KAZN: variants seen among roughly 807,000 people sequenced by gnomAD.
KAZN encodes kazrin, periplakin interacting protein, also known as kazrin.
A neutral mutation model predicts 87.4 loss-of-function variants in KAZN; 40 were observed. The observed-to-expected ratio is 0.46, with a 90% CI of 0.36 to 0.60. The LOEUF (loss-of-function observed/expected upper bound fraction) is 0.60. Ranked by LOEUF, KAZN falls within the 20% of genes least tolerant of loss-of-function variation. The pLI is 0.00. For missense variants in KAZN, 898 were observed against 1,073.9 expected (o/e 0.84, Z 2.29); for synonymous variants, 466 against 458.3 (o/e 1.02, Z -0.22).
intron 1 of KAZN, among the ~76,000 whole-genome samples, chr1:14,629,709 A>G (rs1191703112): frequency 1.3e-5 from 2 of 152,146 alleles, no homozygotes; most frequent in Non-Finnish European, 2.9e-5. Flanking sequence ...CTTAGATCTG[A>G]GGGATCAGTT....
intron 1 of KAZN, among the ~76,000 whole-genome samples, chr1:14,752,171 T>A (rs914675507): frequency 6.6e-6 from 1 of 152,168 alleles, no homozygotes; most frequent in Admixed American, 6.5e-5. Flanking sequence ...AATCTATTCA[T>A]GAAGAATCTG....
At chr1:14,370,899 G>C (rs1557669683) in intron 2 of KAZN, among the ~76,000 whole-genome samples, 1 of 152,112 alleles carries the variant, frequency 6.6e-6, no homozygotes, top group Non-Finnish European at 1.5e-5. Context: ...TGTCCATGCT[G>C]ATTTCAAACT....
intron 1 of KAZN, among the ~76,000 whole-genome samples, chr1:14,728,721 GC>G (rs1643536162): frequency 6.6e-6 from 1 of 152,108 alleles, no homozygotes; most frequent in Non-Finnish European, 1.5e-5. Context: ...CAGCAGCCTC[GC>G]CTTACACTTA....
At chr1:14,433,206 C>G (rs1557718241) in intron 2 of KAZN, among the ~76,000 whole-genome samples, 1 of 152,188 alleles carries the variant, frequency 6.6e-6, no homozygotes, top group South Asian at 2.1e-4. Context: ...AGATCCAGAG[C>G]TTTTCCCTCT....
intron 2 of KAZN, among the ~76,000 whole-genome samples, chr1:14,237,368 T>C (rs1192371493): frequency 6.6e-6 from 1 of 152,142 alleles, no homozygotes; most frequent in Non-Finnish European, 1.5e-5. Flanking sequence ...TGAGTACCAA[T>C]TGCTTAGGAA....
chr1:14,801,185 G>A (rs950674634), intron 1 of KAZN, among the ~76,000 whole-genome samples: 37 of 152,036 alleles, frequency 2.4e-4, no homozygotes, highest in Admixed American at 1.4e-3. Context: ...CTGCCCTCTC[G>A]AGCCAGTCGG....
At chr1:14,469,091 T>C (rs574675336) in intron 2 of KAZN, among the ~76,000 whole-genome samples, 292 of 152,320 alleles carry the variant, frequency 1.9e-3, no homozygotes, top group African/African-American at 6.8e-3. Flanking sequence ...AAAATGCTTC[T>C]CTCATTTCTG....
intron 1 of KAZN, among the ~76,000 whole-genome samples, chr1:14,126,981 C>G (rs1644886131): frequency 6.6e-6 from 1 of 152,212 alleles, no homozygotes. Context: ...TGGTAGGCGC[C>G]TGTGATTCCA....
chr1:14,038,635 C>T (rs756870778), intron 1 of KAZN, among the ~76,000 whole-genome samples: 1 of 152,132 alleles, frequency 6.6e-6, no homozygotes, highest in Non-Finnish European at 1.5e-5. Context: ...CCTCCCTGGG[C>T]TCCACTGAAG....
At chr1:14,134,186 T>C (rs1645055801) in intron 1 of KAZN, among the ~76,000 whole-genome samples, 1 of 152,166 alleles carries the variant, frequency 6.6e-6, no homozygotes, top group Non-Finnish European at 1.5e-5. Context: ...TAAGCCTGGG[T>C]AACAGAAAGT....
At chr1:13,997,255 C>T (rs1036454585) in intron 1 of KAZN, among the ~76,000 whole-genome samples, 7 of 152,086 alleles carry the variant, frequency 4.6e-5, no homozygotes, top group South Asian at 2.1e-4. Context: ...GACAAACTCA[C>T]GAAGATGAGA....
At chr1:15,076,442 G>C (rs1483903130) in intron 8 of KAZN, among the ~76,000 whole-genome samples, 2 of 152,202 alleles carry the variant, frequency 1.3e-5, no homozygotes, top group Non-Finnish European at 2.9e-5. Flanking sequence ...GCAACACCGA[G>C]TCCCTTTGAG....
intron 2 of KAZN, among the ~76,000 whole-genome samples, chr1:14,299,396 G>T (rs114758503): frequency 6.6e-6 from 1 of 152,036 alleles, no homozygotes; most frequent in Non-Finnish European, 1.5e-5. Context: ...GCATCTACCT[G>T]GGAGGCTGAG....
At position 14,856,169 on chromosome 1, in the gene KAZN, T is replaced by A. The variant is rs1000521722; in HGVS notation, c.227-104515T>A. On this transcript the variant is annotated intron_variant, in intron 1 of 14. Coordinates refer to ENST00000376030, the MANE Select transcript of KAZN (RefSeq NM_201628.3). The surrounding 1 kb of genome is among the most constrained non-coding windows in gnomAD (Gnocchi z 5.2). Reference sequence around the variant, plus strand: ...AGACTCTGAGGGTGGTCAGGGAGGCTGCAGCTCTTGGGAGGATAATGGGCA... The same window carrying A: ...AGACTCTGAGGGTGGTCAGGGAGGCAGCAGCTCTTGGGAGGATAATGGGCA... Among the ~76,000 whole-genome samples the A allele has an allele frequency of 6.6e-6, 1 of 152,086 alleles. No homozygotes were observed. The highest frequency in any genetic ancestry group is 1.5e-5 in the Non-Finnish European group (1 of 68,018).
At chr1:14,867,274 C>T (rs1418667924) in intron 1 of KAZN, among the ~76,000 whole-genome samples, 2 of 152,082 alleles carry the variant, frequency 1.3e-5, no homozygotes, top group Admixed American at 1.3e-4. Context: ...GTGAGATCTG[C>T]GAGAGTGGGG....
At chr1:14,710,617 C>A (rs779254269) in intron 1 of KAZN, among the ~76,000 whole-genome samples, 2 of 152,206 alleles carry the variant, frequency 1.3e-5, no homozygotes, top group African/African-American at 2.4e-5. Context: ...CTCTCCCCAC[C>A]CCCCGGTACC....
rs1029253345 is a variant in KAZN, at chr1:14,269,278, T to C, written c.249+88686T>C. 3.3e-5 allele frequency among the ~76,000 whole-genome samples: 5 copies of C among 151,842 alleles called. No individual in the cohort carries two copies. The East Asian group carries it at 5.8e-4, about 18-fold the overall frequency. On this transcript the variant is annotated intron_variant, in intron 2 of 16. Coordinates refer to the KAZN transcript ENST00000636203. ...AAAATTTCGTGGGATGGGTGGTGAATAGGAAAAAAGATGCCTAAAGGACTC... is the reference window on the plus strand; with the variant it reads ...AAAATTTCGTGGGATGGGTGGTGAACAGGAAAAAAGATGCCTAAAGGACTC...
intron 2 of KAZN, among the ~76,000 whole-genome samples, chr1:14,568,947 T>G (rs1674697747): frequency 6.6e-6 from 1 of 152,176 alleles, no homozygotes; most frequent in African/African-American, 2.4e-5. Context: ...CTGGGGAAAT[T>G]AAGGCAGTTA....
chr1:14,756,426 C>T (rs1410320827), intron 1 of KAZN, among the ~76,000 whole-genome samples: 1 of 152,212 alleles, frequency 6.6e-6, no homozygotes, highest in Non-Finnish European at 1.5e-5. Flanking sequence ...GGTGTCCCTG[C>T]AAATGTGATT....
Sources: allele counts gnomAD v4.1 joint callset (sites outside exome capture counted in the v4.1 genomes callset), GRCh38; gene constraint gnomAD v4.1.1; non-coding constraint Gnocchi (gnomAD v3.1); transcripts MANE v1.5; gene names NCBI Gene and HGNC (gene_info 2026-07-23, HGNC 2026-07-21).